Variants in LIPH observed in about 807,000 individuals in gnomAD.
LIPH encodes lipase H, also known as lipase member H.
Under a neutral mutation model 47.6 loss-of-function variants are expected in LIPH, and 32 were observed. The ratio of observed to expected loss-of-function variants is 0.67; its 90% CI spans 0.51 to 0.90. The LOEUF is 0.90. LIPH is among the 40% of genes least tolerant of loss of function. The pLI is 0.00. For synonymous variants in LIPH, 190 were observed against 195.6 expected (o/e 0.97, Z 0.24); for missense variants, 497 against 541.4 (o/e 0.92, Z 0.81).
chr3:185,539,836 T>G (rs1720646603), intron 1 of LIPH, among the ~76,000 whole-genome samples: 1 of 152,216 alleles, frequency 6.6e-6, no homozygotes, highest in Admixed American at 6.5e-5. Flanking sequence ...TCAGAGAAAC[T>G]TCTGGAGGAA....
rs547597517 is a variant in LIPH at position 185,513,763 on chromosome 3, AG to A, written c.1094+646del. On this transcript the variant is annotated intron_variant, in intron 8 of 9. Transcript: ENST00000296252. ...GCCTTAAAAATGAAGGAAATCAGCC[AG>A]GCGCGGTGGCTCACACCTGTAATCC... Among the ~76,000 whole-genome samples, 184 of 152,250 alleles carry A rather than the reference AG, an allele frequency of 1.2e-3. 1 individual carries two copies. Among genetic ancestry groups the A allele is most frequent in the African/African-American group, 4.0e-3 (167 of 41,550 alleles).
Position 185,552,408 on chromosome 3 carries a change from T to C in LIPH, c.49+15A>G, listed in dbSNP as rs143567993. 1.1e-3 allele frequency: 1,697 copies of C among 1,578,002 alleles called. 13 individuals carry two copies. The African/African-American group carries it at 0.02, about 18-fold the overall frequency. Reference sequence around the variant, plus strand: ...TTTTTAAGCAGTTAAGAAAACCAGTTTGTAAATAACCTACCTGATCTTGAC... The same window carrying C: ...TTTTTAAGCAGTTAAGAAAACCAGTCTGTAAATAACCTACCTGATCTTGAC... On this transcript the variant is annotated intron_variant, in intron 1 of 9. Coordinates refer to ENST00000296252, the MANE Select transcript of LIPH (RefSeq NM_139248.3).
At chr3:185,529,955 A>G (rs1720269900) in intron 3 of LIPH, among the ~76,000 whole-genome samples, 1 of 53,908 alleles carries the variant, frequency 1.9e-5, no homozygotes, top group African/African-American at 5.1e-5. Flanking sequence ...AGAAAGAAAG[A>G]AAGAAAGAAG....
intron 1 of LIPH, among the ~76,000 whole-genome samples, chr3:185,550,492 A>G (rs1721018176): frequency 1.3e-5 from 2 of 152,190 alleles, no homozygotes. Context: ...GAAAGACTGG[A>G]AGAAGGTACC....
In LIPH at chr3:185,526,627, A is replaced by T. The variant is rs1364292542; in HGVS notation, c.628+857T>A. Among the ~76,000 whole-genome samples, 44 of 22,932 alleles carry T rather than the reference A, an allele frequency of 1.9e-3. 1 individual carries two copies. Among genetic ancestry groups the T allele is most frequent in the African/African-American group, 3.0e-3 (43 of 14,242 alleles). 15.0% of individuals were successfully genotyped at this position (22,932 alleles called of 152,430 possible). A position where few individuals can be genotyped will look rare whatever the true frequency, so the allele number is the denominator to read the frequency against. ...AAATAAAAAATAAAATAATAAAATA[A>T]AATATAAAATAAATAAAATAAAATA... is the stretch of plus-strand genomic sequence containing the variant. On this transcript the variant is annotated intron_variant, in intron 4 of 9. Coordinates refer to ENST00000296252, the MANE Select transcript of LIPH (RefSeq NM_139248.3).
rs59890564 is a variant in LIPH, at chr3:185,507,368, AAG to A, written c.*1420_*1421del. 0.31 allele frequency: 46,842 copies of A among 149,730 alleles called. 8,382 individuals carry two copies. Among genetic ancestry groups the A allele is most frequent in the Non-Finnish European group, 0.42 (27,921 of 67,108 alleles). The allele number at this position is 149,730 out of a possible 1,614,324, so 9.3% of individuals were successfully genotyped here. On this transcript the variant is annotated 3_prime_UTR_variant, in exon 10 of 10. Coordinates refer to ENST00000296252, the MANE Select transcript of LIPH (RefSeq NM_139248.3). ...GCCTAGGCAACTCCAAAAAAAAAAAAAGAGAGAGAGAGTCAATTTCTTCATAA... is the reference window on the plus strand; with the variant it reads ...GCCTAGGCAACTCCAAAAAAAAAAAAAGAGAGAGAGTCAATTTCTTCATAA...
chr3:185,534,843 T>A lies in LIPH; in HGVS notation c.339A>T (p.Thr113=). 1 of 1,614,126 alleles carries A rather than the reference T, an allele frequency of 6.2e-7. No individual in the cohort carries two copies. The highest frequency in any genetic ancestry group is 8.5e-7 in the Non-Finnish European group (1 of 1,179,950). ...VVVVDWNRGA[T]TLIYTHASSK... is the part of the protein sequence containing the mutation. Reference sequence around the variant, plus strand: ...TAGAGGCATGGGTATATATTAAAGTTGTAGCTCCTCGATTCCAATCAACAA... The same window carrying A: ...TAGAGGCATGGGTATATATTAAAGTAGTAGCTCCTCGATTCCAATCAACAA... The change falls in exon 2 of 10, where the codon ACA becomes ACT. Residue 113 remains threonine, a synonymous_variant. Transcript: ENST00000296252.
Position 185,506,915 on chromosome 3 carries a change from AAGG to A in LIPH, c.*1872_*1874del, listed in dbSNP as rs2148943225. 1 of 151,154 alleles carries A rather than the reference AAGG, an allele frequency of 6.6e-6. No individual in the cohort carries two copies. The highest frequency in any genetic ancestry group is 2.1e-4 in the South Asian group (1 of 4,748). 9.4% of individuals were successfully genotyped at this position (151,154 alleles called of 1,614,324 possible). On this transcript the variant is annotated 3_prime_UTR_variant, in exon 10 of 10. Transcript: ENST00000296252. Reference sequence around the variant, plus strand: ...TCCACAATTGCTGAGGAAATGTGAGAAGGAGGAGGAAGGATGGTAACATGTCCA... The same window carrying A: ...TCCACAATTGCTGAGGAAATGTGAGAAGGAGGAAGGATGGTAACATGTCCA...
chr3:185,544,338 T>G (rs1423272754), intron 1 of LIPH, among the ~76,000 whole-genome samples: 1 of 151,674 alleles, frequency 6.6e-6, no homozygotes, highest in Non-Finnish European at 1.5e-5. Context: ...TTTCCTCTGT[T>G]GTTTTTTTTT....
In LIPH at chr3:185,511,445, CA is replaced by C. The variant is rs1719560693; in HGVS notation, c.1268+78del. On this transcript the variant is annotated intron_variant, in intron 9 of 9. Coordinates refer to ENST00000296252, the MANE Select transcript of LIPH (RefSeq NM_139248.3). The stretch of plus-strand genomic sequence containing the variant: ...TGTGAATAATAGAGTCTTATTAACA[CA>C]TCAGACCAAGCAGATTGGACAGGAT... The C allele has an allele frequency of 3.9e-6, 5 of 1,297,356 alleles. No individual in the cohort carries two copies. In the East Asian group the frequency reaches 1.2e-4, roughly 30 times the overall value. 80.4% of individuals were successfully genotyped at this position (1,297,356 alleles called of 1,614,324 possible).
At chr3:185,538,780 C>CATATATGT (rs1720591199) in intron 1 of LIPH, among the ~76,000 whole-genome samples, 1 of 3,476 alleles carries the variant, frequency 2.9e-4, no homozygotes, top group African/African-American at 4.2e-4. Context: ...CATATATACA[C>CATATATGT]ACATATATAC....
intron 1 of LIPH, among the ~76,000 whole-genome samples, chr3:185,541,549 T>G (rs1187436066): frequency 6.6e-6 from 1 of 151,388 alleles, no homozygotes; most frequent in African/African-American, 2.4e-5. Context: ...AGACTACAGG[T>G]GAGTGCCACC....
chr3:185,510,285 A>G (rs971862170), intron 9 of LIPH, among the ~76,000 whole-genome samples: 3 of 152,148 alleles, frequency 2.0e-5, no homozygotes, highest in Non-Finnish European at 2.9e-5. Context: ...ACAAAGTACT[A>G]ACTACTCACA....
chr3:185,548,841 A>T (rs1465445987), intron 1 of LIPH, among the ~76,000 whole-genome samples: 1 of 152,044 alleles, frequency 6.6e-6, no homozygotes, highest in African/African-American at 2.4e-5. Context: ...AACCTGGTGA[A>T]GCATTTGTTT....
rs1720459691 is a variant in LIPH at position 185,534,999 on chromosome 3, A to G, written c.183T>C (p.Ala61=). The change falls in exon 2 of 10, where the codon GCT becomes GCC. Residue 61 remains alanine, a synonymous_variant. Coordinates refer to ENST00000296252, the MANE Select transcript of LIPH (RefSeq NM_139248.3). The part of the protein sequence containing the change: ...LTCAQTINSS[A]FGNLNVTKKT... The stretch of plus-strand genomic sequence containing the variant: ...TCTTGGTCACATTCAAGTTCCCAAA[A>G]GCTGAGGAGTTGATGGTTTGTGCGC... The G allele has an allele frequency of 2.5e-6, 4 of 1,613,844 alleles. No individual in the cohort carries two copies. The Middle Eastern group carries it at 6.6e-4, about 266-fold the overall frequency.
rs1371516097 is a variant in LIPH, at chr3:185,535,071, C to A, written c.111G>T (p.Thr37=). 6.2e-7 allele frequency: 1 copy of A among 1,613,860 alleles called. No homozygotes were observed. Among genetic ancestry groups the A allele is most frequent in the East Asian group, 2.2e-5 (1 of 44,892 alleles). ...AGAGCATCAGCCTCACATTTAGTCC[C>A]GTACCAACCACTGCACTGTGAAAGC... The part of the protein sequence containing the change: ...RLSFHSAVVG[T]GLNVRLMLYT... Residue 37 remains threonine, a synonymous_variant, in exon 2 of 10, where the codon ACG becomes ACT. Coordinates refer to ENST00000296252, the MANE Select transcript of LIPH (RefSeq NM_139248.3).
In LIPH at chr3:185,524,166, A is replaced by G. The variant is rs1719993262; in HGVS notation, c.629-6T>C. On this transcript the variant is annotated splice_polypyrimidine_tract_variant and splice_region_variant and intron_variant, in intron 4 of 9. Coordinates refer to ENST00000296252, the MANE Select transcript of LIPH (RefSeq NM_139248.3). Reference sequence around the variant, plus strand: ...TGGCTCCTTGTAGCCCAGTGCTAAAAGAGAACACATTCTGCTTTTATACTC... The same window carrying G: ...TGGCTCCTTGTAGCCCAGTGCTAAAGGAGAACACATTCTGCTTTTATACTC... The G allele has an allele frequency of 6.4e-7, 1 of 1,566,742 alleles. No individual in the cohort carries two copies. The highest frequency in any genetic ancestry group is 8.8e-7 in the Non-Finnish European group (1 of 1,136,852).
intron 1 of LIPH, among the ~76,000 whole-genome samples, chr3:185,535,762 C>T (rs892876206): frequency 3.9e-5 from 6 of 151,916 alleles, no homozygotes; most frequent in South Asian, 2.1e-4. Flanking sequence ...ACCACAACAC[C>T]GGGCTAATTT....
intron 6 of LIPH, among the ~76,000 whole-genome samples, chr3:185,518,886 G>A (rs1376172100): frequency 2.6e-5 from 4 of 150,978 alleles, no homozygotes; most frequent in African/African-American, 4.9e-5. Flanking sequence ...CACCACACCC[G>A]GCTACTTTTT....
Sources: gnomAD v4.1 joint callset for allele counts (sites outside exome capture counted in the v4.1 genomes callset) on GRCh38, gnomAD v4.1.1 for gene constraint, MANE v1.5 for transcripts, NCBI Gene and HGNC (gene_info 2026-07-23, HGNC 2026-07-21) for gene names.